SRCAP: variants seen among roughly 807,000 people sequenced by gnomAD.
SRCAP encodes Snf2 related CREBBP activator protein.
Under a neutral mutation model 263.1 loss-of-function variants are expected in SRCAP, and 46 were observed. The observed-to-expected ratio is 0.17, with a 90% CI of 0.14 to 0.22. The LOEUF is 0.22. SRCAP is among the 10% of genes least tolerant of loss of function. The probability of loss-of-function intolerance (pLI) is 1.00; values close to 1 mark genes in which losing one functional copy is unlikely to be tolerated. For missense variants in SRCAP, 3,695 were observed against 4,181.9 expected (o/e 0.88, Z 3.21); for synonymous variants, 1,813 against 1,662.1 (o/e 1.09, Z -2.21).
Position 30,711,071 on chromosome 16 carries a change from G to A in SRCAP, c.1301G>A (p.Ser434Asn). 1 of 1,613,828 alleles carries A rather than the reference G, an allele frequency of 6.2e-7. No individual in the cohort carries two copies. The highest frequency in any genetic ancestry group is 2.2e-5 in the East Asian group (1 of 44,880). The change falls in exon 10 of 34, where the codon AGC becomes AAC. Residue 434 changes from serine (S) to asparagine (N), a missense_variant. Transcript: ENST00000262518. ...EGEVDHAMEL[S>N]ELAREGELSM... ...GAGGTGGATCATGCCATGGAGCTGA[G>A]CGAGTTGGCTCGAGAAGGTGACATT...
intron 4 of SRCAP, among the ~76,000 whole-genome samples, chr16:30,704,808 C>T (rs971391752): frequency 6.6e-6 from 1 of 152,156 alleles, no homozygotes; most frequent in Non-Finnish European, 1.5e-5. Context: ...TGCCACTGCA[C>T]TCCAGCCTGA....
At chr16:30,712,209 C>T (rs1217832816) in intron 12 of SRCAP, 52 bp downstream of exon 12, 3 of 1,600,220 alleles carry the variant, frequency 1.9e-6, no homozygotes, top group Non-Finnish European at 1.7e-6. Flanking sequence ...TTCTCATGTC[C>T]CCACAACAAA....
At chr16:30,712,541 G>A (rs573688832) in intron 13 of SRCAP, 102 bp downstream of exon 13, 12 of 1,510,926 alleles carry the variant, frequency 7.9e-6, no homozygotes, top group East Asian at 4.5e-5. Context: ...TATTGACTCC[G>A]GTCATTAACT....
rs1369387343 is a variant in SRCAP, at chr16:30,699,209, C to T, written c.-317C>T. 7.5e-6 allele frequency: 3 copies of T among 398,716 alleles called. No homozygotes were observed. The highest frequency in any genetic ancestry group is 8.8e-6 in the Non-Finnish European group (2 of 226,148). 24.7% of individuals were successfully genotyped at this position (398,716 alleles called of 1,614,324 possible). A position where few individuals can be genotyped will look rare whatever the true frequency, so the allele number is the denominator to read the frequency against. On this transcript the variant is annotated 5_prime_UTR_variant, in exon 1 of 34. Coordinates refer to ENST00000262518, the MANE Select transcript of SRCAP (RefSeq NM_006662.3). Reference sequence around the variant, plus strand: ...GAGGGCTAGGGAGATGGTCACGAAACCTGAAGTCAAGAGTTAAGGCTTGTT... The same window carrying T: ...GAGGGCTAGGGAGATGGTCACGAAATCTGAAGTCAAGAGTTAAGGCTTGTT...
Position 30,739,601 on chromosome 16 carries a change from ACGCCGACGTCCTGGCCCC to A in SRCAP, c.9567_9584del (p.Arg3190_Arg3195del). 1 of 1,596,142 alleles carries A rather than the reference ACGCCGACGTCCTGGCCCC, an allele frequency of 6.3e-7. No homozygotes were observed. The highest frequency in any genetic ancestry group is 8.5e-7 in the Non-Finnish European group (1 of 1,172,186). On this transcript the variant is annotated inframe_deletion, in exon 34 of 34. Coordinates refer to ENST00000262518, the MANE Select transcript of SRCAP (RefSeq NM_006662.3). Reference sequence around the variant, plus strand: ...AGGAGGAGGAAGGGGATGGGACCCCACGCCGACGTCCTGGCCCCCGCCGGCTTGTTGGGACCACCAACC... The same window carrying A: ...AGGAGGAGGAAGGGGATGGGACCCCACGCCGGCTTGTTGGGACCACCAACC...
In SRCAP at chr16:30,723,850, G is replaced by A. The variant is rs1364797029; in HGVS notation, c.4426G>A (p.Val1476Met). Residue 1476 changes from valine to methionine, a missense_variant, in exon 25 of 34, where the codon GTG (valine) becomes ATG (methionine). Transcript: ENST00000262518. ...TTCGGGCCCAGCTCTGTTGACCAGT[G>A]TGACTCCACCATTGGCACCTGTTGT... ...SASGPALLTSVTPPLAPVVPA... is the reference protein window; with the variant it reads ...SASGPALLTSMTPPLAPVVPA... 2 of 1,613,880 alleles carry A rather than the reference G, an allele frequency of 1.2e-6. No homozygotes were observed. Among genetic ancestry groups the A allele is most frequent in the Non-Finnish European group, 1.7e-6 (2 of 1,180,020 alleles).
chr16:30,705,560 C>T (rs1049759400), intron 4 of SRCAP, among the ~76,000 whole-genome samples: 8 of 151,168 alleles, frequency 5.3e-5, no homozygotes, highest in African/African-American at 1.5e-4. Flanking sequence ...CCATCACACC[C>T]GGCTAAATTT....
chr16:30,720,186 C>G lies in SRCAP; in HGVS notation c.2842C>G (p.Leu948Val), dbSNP rs1411925304. ...GCGGATAGACATGGGTCGATTTGAC[C>G]TTATTGGCCTGGAAGGTCGTGTCTC... ...LQRIDMGRFD[L>V]IGLEGRVSRY... Residue 948 changes from leucine (L) to valine (V), a missense_variant, in exon 19 of 34, where the codon CTT becomes GTT. Physicochemically the swap from Leu to Val is conservative, Grantham distance 32. Transcript: ENST00000262518. 1 of 1,612,538 alleles carries G rather than the reference C, an allele frequency of 6.2e-7. No homozygotes were observed. Among genetic ancestry groups the G allele is most frequent in the South Asian group, 1.1e-5 (1 of 91,002 alleles).
chr16:30,703,986 A>G (rs1392917928), intron 3 of SRCAP, 78 bp from the exon 4 acceptor site: 4 of 1,492,168 alleles, frequency 2.7e-6, no homozygotes, highest in East Asian at 2.3e-5. Context: ...TCTTGTGAAG[A>G]TCGGATGAAA....
chr16:30,715,797 C>T (rs1024573593), intron 16 of SRCAP, among the ~76,000 whole-genome samples: 1 of 152,200 alleles, frequency 6.6e-6, no homozygotes, highest in African/African-American at 2.4e-5. Flanking sequence ...TTAACAATTA[C>T]TCCTCAAAAT....
intron 24 of SRCAP, 143 bp from the exon 25 acceptor site, chr16:30,723,441 G>C (rs2053031010): frequency 6.8e-7 from 1 of 1,475,814 alleles, no homozygotes; most frequent in African/African-American, 1.4e-5. Flanking sequence ...AAAGTTGTCA[G>C]ATTACTTGGA....
rs140099605 is a variant in SRCAP, at chr16:30,723,170, C to T, written c.4100C>T (p.Thr1367Ile). The change falls in exon 24 of 34, where the codon ACA (threonine) becomes ATA (isoleucine). Residue 1367 changes from threonine to isoleucine, a missense_variant. Transcript: ENST00000262518. ...GGTACTGCTCGAGCCCCCATGCCCA[C>T]ACCCACTCTGGTGAGGCCTCTTCTC... ...TLGTARAPMP[T>I]PTLVRPLLKL... 2.5e-6 allele frequency: 4 copies of T among 1,614,046 alleles called. No individual in the cohort carries two copies. The African/African-American group carries it at 4.0e-5, about 16-fold the overall frequency.
At chr16:30,699,718 C>A (rs920858755) in intron 1 of SRCAP, among the ~76,000 whole-genome samples, 190 bp from the exon 2 acceptor site, 2 of 152,116 alleles carry the variant, frequency 1.3e-5, no homozygotes, top group South Asian at 4.1e-4. Context: ...TTCTTCACTC[C>A]TTTCCTGCTC....
At chr16:30,731,308 T>C (rs1482590241) in intron 27 of SRCAP, among the ~76,000 whole-genome samples, 1 of 152,200 alleles carries the variant, frequency 6.6e-6, no homozygotes, top group Non-Finnish European at 1.5e-5. Context: ...GTTGGGGCCT[T>C]CTTCACCTGG....
intron 16 of SRCAP, among the ~76,000 whole-genome samples, chr16:30,715,283 C>T (rs1483642729): frequency 6.6e-6 from 1 of 152,106 alleles, no homozygotes; most frequent in Non-Finnish European, 1.5e-5. Flanking sequence ...AACAGGAAGT[C>T]GGCCGGGCGC....
intron 8 of SRCAP, among the ~76,000 whole-genome samples, 196 bp downstream of exon 8, chr16:30,710,324 A>G (rs1421648673): frequency 2.6e-5 from 4 of 152,228 alleles, no homozygotes; most frequent in African/African-American, 7.2e-5. Context: ...TTTTGGCGCT[A>G]TAGTGGAAGA....
Position 30,739,867 on chromosome 16 carries a change from C to T in SRCAP, c.*134C>T. The T allele has an allele frequency of 7.4e-7, 1 of 1,346,722 alleles. No individual in the cohort carries two copies. Among genetic ancestry groups the T allele is most frequent in the Non-Finnish European group, 9.7e-7 (1 of 1,031,894 alleles). 83.4% of individuals were successfully genotyped at this position (1,346,722 alleles called of 1,614,324 possible). On this transcript the variant is annotated 3_prime_UTR_variant, in exon 34 of 34. Coordinates refer to ENST00000262518, the MANE Select transcript of SRCAP (RefSeq NM_006662.3). ...ACATAGGGGCCTTCTCCCTTCTTCC[C>T]ACCAAAGTAGGGGGTAGGCAACTGG... is the stretch of plus-strand genomic sequence containing the variant.
chr16:30,734,306 G>T, intron 30 of SRCAP, 190 bp from the exon 31 acceptor site: 1 of 787,982 alleles, frequency 1.3e-6, no homozygotes. Flanking sequence ...TGGCGCCATT[G>T]CACTTTAGCC....
rs146916680 is a variant in SRCAP, at chr16:30,711,602, G to A, written c.1350G>A (p.Gln450=). 86 of 1,606,190 alleles carry A rather than the reference G, an allele frequency of 5.4e-5. No individual in the cohort carries two copies. Among genetic ancestry groups the A allele is most frequent in the Middle Eastern group, 5.1e-4 (3 of 5,932 alleles). ...GELSMEELLQ[Q]YAGAYAPGSG... ...TTTCCATGGAGGAGCTATTGCAGCA[G>A]TATGCAGGAGCCTATGCCCCAGGCT... is the stretch of plus-strand genomic sequence containing the variant. Residue 450 remains glutamine (Q), a synonymous_variant, in exon 11 of 34, where the codon CAG becomes CAA. Transcript: ENST00000262518.
Sources: gnomAD v4.1 joint callset for allele counts (sites outside exome capture counted in the v4.1 genomes callset) on GRCh38, gnomAD v4.1.1 for gene constraint, MANE v1.5 for transcripts, NCBI Gene and HGNC (gene_info 2026-07-23, HGNC 2026-07-21) for gene names.